The following ZCCHC8 variants were observed in gnomAD, a reference collection of about 807,000 sequenced individuals.
The protein encoded by ZCCHC8 is zinc finger CCHC-type containing 8.
ZCCHC8 carries 27 observed loss-of-function variants against 70.6 expected under a neutral mutation model. The observed-to-expected ratio is 0.38, with a 90% CI of 0.28 to 0.53. The LOEUF (loss-of-function observed/expected upper bound fraction) is 0.53. Among genes scored for constraint, ZCCHC8 ranks in the 20% least tolerant of loss-of-function variants. The pLI is 0.81. For missense variants in ZCCHC8, 737 were observed against 876.9 expected, an observed-to-expected ratio of 0.84 and a Z score of 2.01; for synonymous variants, 293 against 317.4, an observed-to-expected ratio of 0.92 and a Z score of 0.82.
At chr12:122,498,937 C>G in intron 1 of ZCCHC8, 68 bp from the exon 2 acceptor site, 1 of 1,392,136 alleles carries the variant, frequency 7.2e-7, no homozygotes, top group Non-Finnish European at 1.0e-6. Flanking sequence ...ACTACTACTT[C>G]TCTCACTTTT....
In ZCCHC8 at chr12:122,473,372, A is replaced by G. The variant is rs758363409; in HGVS notation, c.*125T>C. 4.4e-6 allele frequency: 5 copies of G among 1,128,608 alleles called. No homozygotes were observed. The highest frequency in any genetic ancestry group is 6.2e-6 in the Non-Finnish European group (5 of 810,132). The allele number at this position is 1,128,608 out of a possible 1,614,324, so 69.9% of individuals were successfully genotyped here. A position where few individuals can be genotyped will look rare whatever the true frequency, so the allele number is the denominator to read the frequency against. On this transcript the variant is annotated 3_prime_UTR_variant, in exon 14 of 14. Transcript: ENST00000633063. ...TTTAAAATAGGCTTGACTTTGGAAC[A>G]TGAACCTTGGATAGATTTTTAAACA...
At chr12:122,480,109 G>A in intron 11 of ZCCHC8, 81 bp downstream of exon 11, 2 of 1,327,444 alleles carry the variant, frequency 1.5e-6, no homozygotes, top group South Asian at 2.7e-5. Flanking sequence ...ACTATGCCTA[G>A]CCAACAAGTT....
In ZCCHC8 at chr12:122,481,971, A is replaced by G. The variant is rs756387527; in HGVS notation, c.849T>C (p.Phe283=). The change falls in exon 9 of 14, where the codon TTT becomes TTC. Residue 283 remains phenylalanine (F), a synonymous_variant. Coordinates refer to ENST00000633063, the MANE Select transcript of ZCCHC8 (RefSeq NM_017612.5). The part of the protein sequence containing the change: ...RYHAEEVEER[F]GRFKPGVISE... ...TAATAACTCCTGGCTTGAATCTTCC[A>G]AATCTTTCTTCTACTTCTTCTGCGT... The G allele has an allele frequency of 3.1e-6, 5 of 1,613,202 alleles. No homozygotes were observed. Among genetic ancestry groups the G allele is most frequent in the Non-Finnish European group, 4.2e-6 (5 of 1,179,618 alleles).
At chr12:122,476,328 C>T (rs1245839967) in intron 13 of ZCCHC8, among the ~76,000 whole-genome samples, 1 of 152,148 alleles carries the variant, frequency 6.6e-6, no homozygotes, top group Non-Finnish European at 1.5e-5. Context: ...TGGCCCAGCA[C>T]GGTGGCTCAT....
intron 5 of ZCCHC8, among the ~76,000 whole-genome samples, chr12:122,487,327 G>A (rs998503901): frequency 2.0e-5 from 3 of 152,084 alleles, no homozygotes; most frequent in South Asian, 2.1e-4. Context: ...AAATATTTTC[G>A]TATTTTTTAA....
At position 122,472,106 on chromosome 12, in the gene ZCCHC8, T is replaced by C. The variant is rs1419623136; in HGVS notation, c.*1391A>G. 6.6e-6 allele frequency: 1 copy of C among 152,202 alleles called. No homozygotes were observed. Among genetic ancestry groups the C allele is most frequent in the Non-Finnish European group, 1.5e-5 (1 of 68,040 alleles). The allele number at this position is 152,202 out of a possible 1,614,324, so 9.4% of individuals were successfully genotyped here. On this transcript the variant is annotated 3_prime_UTR_variant, in exon 14 of 14. Coordinates refer to ENST00000633063, the MANE Select transcript of ZCCHC8 (RefSeq NM_017612.5). ...CAAAATAATTACTTTTCAAAAATTC[T>C]GCTGTTTCTATATTTAAGGCTGAAA...
intron 5 of ZCCHC8, among the ~76,000 whole-genome samples, chr12:122,487,387 T>G (rs1957660663): frequency 6.6e-6 from 1 of 152,202 alleles, no homozygotes; most frequent in Non-Finnish European, 1.5e-5. Context: ...AGTGCCACTT[T>G]CAATCCCAGA....
chr12:122,487,283 C>G (rs1439613967), intron 5 of ZCCHC8, among the ~76,000 whole-genome samples: 1 of 152,182 alleles, frequency 6.6e-6, no homozygotes, highest in Non-Finnish European at 1.5e-5. Flanking sequence ...TCCCTGGAAC[C>G]TAGAAGGATC....
intron 7 of ZCCHC8, chr12:122,482,926 C>A (rs1375464141): frequency 3.8e-6 from 2 of 523,590 alleles, no homozygotes; most frequent in Non-Finnish European, 6.7e-6. Context: ...TGATCTGTTA[C>A]CTCTTTTGAG....
chr12:122,499,186 T>C (rs1044860694), intron 1 of ZCCHC8: 2 of 383,294 alleles, frequency 5.2e-6, no homozygotes, highest in African/African-American at 2.1e-5. Context: ...CACTATGTGA[T>C]AAAGAGAATG....
At chr12:122,498,397 G>C (rs1363941143) in intron 2 of ZCCHC8, among the ~76,000 whole-genome samples, 1 of 151,896 alleles carries the variant, frequency 6.6e-6, no homozygotes, top group African/African-American at 2.4e-5. Flanking sequence ...CCAAAGTGCT[G>C]GGATTACAGG....
intron 2 of ZCCHC8, among the ~76,000 whole-genome samples, chr12:122,494,316 G>C (rs576112120): frequency 6.6e-6 from 1 of 152,166 alleles, no homozygotes; most frequent in Admixed American, 6.5e-5. Context: ...CACTTTGGGA[G>C]GCAGAGGCGG....
At chr12:122,493,874 A>G (rs1007878109) in intron 2 of ZCCHC8, among the ~76,000 whole-genome samples, 9 of 152,136 alleles carry the variant, frequency 5.9e-5, no homozygotes, top group African/African-American at 2.2e-4. Context: ...CGGCCTCCCA[A>G]AGTGCTGGGA....
intron 11 of ZCCHC8, among the ~76,000 whole-genome samples, chr12:122,479,889 G>C (rs1176117990): frequency 1.3e-5 from 2 of 152,138 alleles, no homozygotes; most frequent in African/African-American, 4.8e-5. Flanking sequence ...GGTCTAGTGT[G>C]ATCTCACCTC....
At chr12:122,474,849 C>G (rs1957389007) in intron 13 of ZCCHC8, among the ~76,000 whole-genome samples, 2 of 151,456 alleles carry the variant, frequency 1.3e-5, no homozygotes, top group South Asian at 4.2e-4. Flanking sequence ...ATTCTCCTGC[C>G]TCAGCCTCCC....
At chr12:122,489,296 T>C (rs1957703239) in intron 5 of ZCCHC8, 90 bp downstream of exon 5, 1 of 1,186,386 alleles carries the variant, frequency 8.4e-7, no homozygotes, top group Non-Finnish European at 1.2e-6. Flanking sequence ...GACATATGAC[T>C]ATACTACTTT....
Position 122,473,682 on chromosome 12 carries a change from C to G in ZCCHC8, c.1939G>C (p.Asp647His), listed in dbSNP as rs1206275013. The G allele has an allele frequency of 2.5e-6, 4 of 1,613,878 alleles. No individual in the cohort carries two copies. In the East Asian group the frequency reaches 8.9e-5, roughly 36 times the overall value. ...TTAGTGGCCGTTGAAGGACTGGTGT[C>G]TGCAGGAAAGAGCTTCTGGCTGCCC... ...NGGSQKLFPA[D>H]TSPSTATKIH... The change falls in exon 14 of 14, where the codon GAC (aspartate) becomes CAC (histidine). Residue 647 changes from aspartate to histidine, a missense_variant. Coordinates refer to ENST00000633063, the MANE Select transcript of ZCCHC8 (RefSeq NM_017612.5).
chr12:122,472,335 G>C lies in ZCCHC8; in HGVS notation c.*1162C>G, dbSNP rs991355379. Reference sequence around the variant, plus strand: ...TGATTCTCCTGCCTCAGCCTCCCGAGTAGCTGGGATTACAGGCATGTACCA... The same window carrying C: ...TGATTCTCCTGCCTCAGCCTCCCGACTAGCTGGGATTACAGGCATGTACCA... On this transcript the variant is annotated 3_prime_UTR_variant, in exon 14 of 14. Coordinates refer to ENST00000633063, the MANE Select transcript of ZCCHC8 (RefSeq NM_017612.5). 2 of 151,718 alleles carry C rather than the reference G, an allele frequency of 1.3e-5. No individual in the cohort carries two copies. Among genetic ancestry groups the C allele is most frequent in the African/African-American group, 4.8e-5 (2 of 41,292 alleles). 9.4% of individuals were successfully genotyped at this position (151,718 alleles called of 1,614,324 possible). A position where few individuals can be genotyped will look rare whatever the true frequency, so the allele number is the denominator to read the frequency against.
intron 10 of ZCCHC8, 162 bp from the exon 11 acceptor site, chr12:122,480,473 C>CAT: frequency 3.0e-6 from 1 of 331,952 alleles, no homozygotes; most frequent in East Asian, 5.5e-5. Context: ...TAGGACAGAA[C>CAT]TTTTTTTTTT....
Sources: gnomAD v4.1 joint callset for allele counts (sites outside exome capture counted in the v4.1 genomes callset) on GRCh38, gnomAD v4.1.1 for gene constraint, MANE v1.5 for transcripts, NCBI Gene and HGNC (gene_info 2026-07-23, HGNC 2026-07-21) for gene names.